GARS1: variants seen among roughly 807,000 people sequenced by gnomAD.
The protein encoded by GARS1 is glycine--tRNA ligase.
Under a neutral mutation model 86.4 loss-of-function variants are expected in GARS1, and 46 were observed. That is an observed-to-expected ratio of 0.53 (90% confidence interval 0.42 to 0.68). GARS1 has a LOEUF of 0.68. Ranked by LOEUF, GARS1 falls within the 30% of genes least tolerant of loss-of-function variation. The pLI is 0.00. For missense variants in GARS1, 797 were observed against 915.6 expected, an observed-to-expected ratio of 0.87 and a Z score of 1.67; for synonymous variants, 342 against 329.8, an observed-to-expected ratio of 1.04 and a Z score of -0.40.
At chr7:30,608,137 A>G (rs557372001) in intron 6 of GARS1, among the ~76,000 whole-genome samples, 2 of 152,340 alleles carry the variant, frequency 1.3e-5, no homozygotes, top group East Asian at 3.9e-4. Flanking sequence ...ATAATGCTGC[A>G]TTGAATAATC....
intron 10 of GARS1, among the ~76,000 whole-genome samples, chr7:30,619,362 T>A (rs916472107): frequency 3.9e-5 from 6 of 151,952 alleles, no homozygotes; most frequent in African/African-American, 1.5e-4. Context: ...CCTTAGAGAG[T>A]TTAATACTTT....
intron 3 of GARS1, 107 bp from the exon 4 acceptor site, chr7:30,600,952 C>G: frequency 9.7e-7 from 1 of 1,035,402 alleles, no homozygotes; most frequent in Non-Finnish European, 1.5e-6. Flanking sequence ...GCATTGTTGA[C>G]TTGAATACAC....
chr7:30,626,230 G>C lies in GARS1; in HGVS notation c.1614-4G>C, dbSNP rs376324026. On this transcript the variant is annotated splice_polypyrimidine_tract_variant and splice_region_variant and intron_variant, in intron 12 of 16. Transcript: ENST00000389266. ...AATACAAAATGTGTTTTGTTTCTTC[G>C]TAGGGAATTCACAATTGAAACTGAA... 94 of 1,590,382 alleles carry C rather than the reference G, an allele frequency of 5.9e-5. No homozygotes were observed. In the Middle Eastern group the frequency reaches 6.6e-4, roughly 11 times the overall value.
chr7:30,600,030 A>C lies in GARS1; in HGVS notation c.408A>C (p.Gln136His). 6.2e-7 allele frequency: 1 copy of C among 1,612,964 alleles called. No homozygotes were observed. The highest frequency in any genetic ancestry group is 8.5e-7 in the Non-Finnish European group (1 of 1,178,902). Residue 136 changes from glutamine (Q) to histidine (H), a missense_variant, in exon 3 of 17, where the codon CAA becomes CAC. By Grantham distance (24) the Gln-to-His change is conservative. Transcript: ENST00000389266. The part of the protein sequence containing the change: ...DTLKRRFFYD[Q>H]AFAIYGGVSG... ...TGAAGAGGAGGTTTTTCTATGATCA[A>C]GCTTTTGCTATTTATGGAGGTAAGG...
At chr7:30,631,235 C>G in intron 14 of GARS1, 1 of 457,984 alleles carries the variant, frequency 2.2e-6, no homozygotes, top group South Asian at 2.1e-5. Flanking sequence ...GAGTTCATGA[C>G]TTGGCCTAAA....
At chr7:30,629,052 C>T (rs1042938764) in intron 14 of GARS1, among the ~76,000 whole-genome samples, 4 of 152,148 alleles carry the variant, frequency 2.6e-5, no homozygotes, top group African/African-American at 9.7e-5. Flanking sequence ...TATCTGTACT[C>T]TGGTAAAGTA....
intron 10 of GARS1, among the ~76,000 whole-genome samples, chr7:30,621,173 C>A (rs1260220235): frequency 6.6e-6 from 1 of 151,788 alleles, no homozygotes; most frequent in Non-Finnish European, 1.5e-5. Context: ...CAGGCATGAG[C>A]CATCACACCC....
intron 12 of GARS1, 39 bp downstream of exon 12, chr7:30,622,501 C>G: frequency 6.2e-7 from 1 of 1,611,194 alleles, no homozygotes; most frequent in Non-Finnish European, 8.5e-7. Flanking sequence ...GGGCTCCAGT[C>G]AGTTGTGTCA....
chr7:30,613,586 A>G (rs930856618), intron 8 of GARS1, among the ~76,000 whole-genome samples: 1 of 152,252 alleles, frequency 6.6e-6, no homozygotes, highest in Non-Finnish European at 1.5e-5. Flanking sequence ...GGGCCTGTGC[A>G]GTAAAAAAGT....
chr7:30,602,607 A>G (rs1791403767), intron 4 of GARS1, among the ~76,000 whole-genome samples: 1 of 152,250 alleles, frequency 6.6e-6, no homozygotes, highest in African/African-American at 2.4e-5. Flanking sequence ...TACAGGTTTC[A>G]GTGGCAGAAA....
At chr7:30,622,549 G>A in intron 12 of GARS1, 87 bp downstream of exon 12, 1 of 1,543,938 alleles carries the variant, frequency 6.5e-7, no homozygotes. Flanking sequence ...AATTTCTTAA[G>A]ATTTTTTGCA....
At chr7:30,598,988 C>A in intron 2 of GARS1, 91 bp downstream of exon 2, 1 of 982,098 alleles carries the variant, frequency 1.0e-6, no homozygotes, top group Non-Finnish European at 1.6e-6. Context: ...AGAAAAGTTT[C>A]TGAACAAGTA....
intron 5 of GARS1, 35 bp downstream of exon 5, chr7:30,603,157 C>CA: frequency 1.3e-6 from 2 of 1,536,210 alleles, no homozygotes; most frequent in African/African-American, 2.7e-5. Flanking sequence ...TAGGATTGAT[C>CA]AAAATAAAAG....
intron 6 of GARS1, among the ~76,000 whole-genome samples, chr7:30,607,804 C>T (rs1198600044): frequency 1.3e-5 from 2 of 152,128 alleles, no homozygotes; most frequent in East Asian, 1.9e-4. Context: ...CTTCCCTTTA[C>T]CTTCCGTCCT....
chr7:30,599,888 A>T, intron 2 of GARS1, 59 bp from the exon 3 acceptor site: 2 of 1,072,742 alleles, frequency 1.9e-6, no homozygotes, highest in Non-Finnish European at 2.9e-6. Flanking sequence ...ATTCAGATAT[A>T]TAAGTTCAGA....
chr7:30,631,399 A>G (rs368126645), intron 14 of GARS1, 49 bp from the exon 15 acceptor site: 69 of 1,404,194 alleles, frequency 4.9e-5, no homozygotes, highest in African/African-American at 2.8e-5. Context: ...TAGCATTTAG[A>G]TATTTACAAA....
At chr7:30,606,309 T>A (rs1791484831) in intron 6 of GARS1, among the ~76,000 whole-genome samples, 1 of 150,888 alleles carries the variant, frequency 6.6e-6, no homozygotes, top group Non-Finnish European at 1.5e-5. Context: ...GTTATTCTTT[T>A]TTTTTTTTTT....
chr7:30,603,261 A>AGT, intron 5 of GARS1, 139 bp downstream of exon 5: 1 of 762,696 alleles, frequency 1.3e-6, no homozygotes, highest in East Asian at 2.7e-5. Flanking sequence ...ATATAGATCA[A>AGT]GTCCTTTATT....
rs563373582 is a variant in GARS1 at position 30,603,281 on chromosome 7, A to G, written c.658+159A>G. On this transcript the variant is annotated intron_variant, in intron 5 of 16. Transcript: ENST00000389266. Reference sequence around the variant, plus strand: ...GATCAAGTCCTTTATTTTTTAAAAAAGTTATATGTAGATAATTAGTTATAT... The same window carrying G: ...GATCAAGTCCTTTATTTTTTAAAAAGGTTATATGTAGATAATTAGTTATAT... 4.6e-4 allele frequency among the ~76,000 whole-genome samples: 70 copies of G among 152,382 alleles called. No homozygotes were observed. Among genetic ancestry groups the G allele is most frequent in the African/African-American group, 1.5e-3 (62 of 41,596 alleles).
Sources: allele counts gnomAD v4.1 joint callset (sites outside exome capture counted in the v4.1 genomes callset), GRCh38; gene constraint gnomAD v4.1.1; transcripts MANE v1.5; gene names NCBI Gene and HGNC (gene_info 2026-07-23, HGNC 2026-07-21).